Variants in CSMD1 observed in about 807,000 individuals in gnomAD.
The protein encoded by CSMD1 is CUB and sushi domain-containing protein 1.
CSMD1 carries 213 observed loss-of-function variants against 417.5 expected under a neutral mutation model. The observed-to-expected ratio is 0.51, with a 90% confidence interval of 0.46 to 0.57. The LOEUF is 0.57. Among genes scored for constraint, CSMD1 ranks in the 20% least tolerant of loss-of-function variants. The pLI is 0.00. For missense variants in CSMD1, 6,923 were observed against 4,529.7 expected (o/e 1.53, Z -15.17); for synonymous variants, 2,862 against 1,736.8 (o/e 1.65, Z -16.11).
intron 1 of CSMD1, among the ~76,000 whole-genome samples, chr8:4,715,453 C>G (rs866598127): frequency 1.3e-5 from 2 of 152,156 alleles, no homozygotes; most frequent in Non-Finnish European, 2.9e-5. Flanking sequence ...TTGACAATCT[C>G]ATATGGTTTC....
chr8:4,400,761 G>GTTTTT (rs11439463), intron 3 of CSMD1, among the ~76,000 whole-genome samples: 1 of 139,520 alleles, frequency 7.2e-6, no homozygotes, highest in African/African-American at 2.6e-5. Context: ...ATACAGATCA[G>GTTTTT]TTTTTTTTTT....
intron 12 of CSMD1, among the ~76,000 whole-genome samples, chr8:3,432,353 T>C (rs11136625): frequency 0.3 from 45,615 of 152,004 alleles, 7,147 homozygotes; most frequent in East Asian, 0.48. Flanking sequence ...CTTAGCATTG[T>C]CAAGTGATGA....
rs527979524 is a variant in CSMD1 at position 3,538,099 on chromosome 8, G to A, written c.1344+36846C>T. Among the ~76,000 whole-genome samples, 12 of 152,334 alleles carry A rather than the reference G, an allele frequency of 7.9e-5. No homozygotes were observed. In the South Asian group the frequency reaches 2.5e-3, roughly 32 times the overall value. On this transcript the variant is annotated intron_variant, in intron 10 of 69. Coordinates refer to ENST00000635120, the MANE Select transcript of CSMD1 (RefSeq NM_033225.6). ...TCCTATGCACAGAGTTTTTAAAAGAGTGTTTCAAGTTTATAAACCAAACGA... is the reference window on the plus strand; with the variant it reads ...TCCTATGCACAGAGTTTTTAAAAGAATGTTTCAAGTTTATAAACCAAACGA...
At chr8:4,422,823 T>C (rs1375620151) in intron 2 of CSMD1, among the ~76,000 whole-genome samples, 4 of 152,106 alleles carry the variant, frequency 2.6e-5, no homozygotes, top group Non-Finnish European at 5.9e-5. Context: ...ATACGAATTA[T>C]ACACGATGAT....
chr8:3,161,810 G>A (rs554173278), intron 38 of CSMD1, among the ~76,000 whole-genome samples: 64 of 152,118 alleles, frequency 4.2e-4, no homozygotes, highest in Non-Finnish European at 7.8e-4. Context: ...GGTAGCAGGT[G>A]CACATACAGA....
chr8:4,668,721 A>G lies in CSMD1; in HGVS notation c.86-31163T>C, dbSNP rs1187953504. Among the ~76,000 whole-genome samples, 3 of 152,190 alleles carry G rather than the reference A, an allele frequency of 2.0e-5. No individual in the cohort carries two copies. The East Asian group carries it at 5.8e-4, about 29-fold the overall frequency. On this transcript the variant is annotated intron_variant, in intron 1 of 69. Coordinates refer to ENST00000635120, the MANE Select transcript of CSMD1 (RefSeq NM_033225.6). ...CGCGTCAGCCTCCCAAAAATAAAAC[A>G]TTACCAGTTTGCCTACAACCTCTCT...
intron 27 of CSMD1, among the ~76,000 whole-genome samples, chr8:3,226,831 G>A (rs1055425642): frequency 6.6e-6 from 1 of 151,904 alleles, no homozygotes; most frequent in Non-Finnish European, 1.5e-5. Context: ...GGGAAAGAAA[G>A]AGAGAGAGCC....
intron 7 of CSMD1, among the ~76,000 whole-genome samples, chr8:3,692,815 G>A (rs1318939701): frequency 1.3e-5 from 2 of 152,052 alleles, no homozygotes; most frequent in Middle Eastern, 3.2e-3. Flanking sequence ...ACCCTAATAT[G>A]CATGGCAAAA....
chr8:3,367,777 T>C (rs966272219), intron 19 of CSMD1, among the ~76,000 whole-genome samples: 1 of 152,246 alleles, frequency 6.6e-6, no homozygotes, highest in South Asian at 2.1e-4. Context: ...GATACAGATA[T>C]AGATGTACAT....
chr8:3,739,785 A>T (rs1344178723), intron 6 of CSMD1, among the ~76,000 whole-genome samples: 2 of 17,772 alleles, frequency 1.1e-4, no homozygotes, highest in Non-Finnish European at 6.6e-3. Context: ...AGATCAATGG[A>T]AAAAGGTAAA....
intron 4 of CSMD1, among the ~76,000 whole-genome samples, chr8:4,014,191 A>G (rs1796410040): frequency 2.6e-5 from 4 of 152,218 alleles, no homozygotes; most frequent in Admixed American, 2.6e-4. Context: ...TTAAGTTTGC[A>G]AAGCATAAAC....
At chr8:4,298,482 T>A (rs573732527) in intron 3 of CSMD1, among the ~76,000 whole-genome samples, 1 of 152,148 alleles carries the variant, frequency 6.6e-6, no homozygotes, top group Non-Finnish European at 1.5e-5. Context: ...CAATGTATAT[T>A]ATTTGAGTAA....
In CSMD1 at chr8:4,099,489, C is replaced by G. The variant is rs1193239484; in HGVS notation, c.416-67390G>C. Among the ~76,000 whole-genome samples the G allele has an allele frequency of 2.0e-5, 3 of 152,078 alleles. No individual in the cohort carries two copies. In the East Asian group the frequency reaches 5.8e-4, roughly 29 times the overall value. ...CAATCATCTTCCACAGTGCTCCTTCCAGCCTTCAATGCTGTTCACTACGGA... is the reference window on the plus strand; with the variant it reads ...CAATCATCTTCCACAGTGCTCCTTCGAGCCTTCAATGCTGTTCACTACGGA... On this transcript the variant is annotated intron_variant, in intron 3 of 69. Transcript: ENST00000635120.
At chr8:3,663,213 T>C (rs1316063135) in intron 7 of CSMD1, among the ~76,000 whole-genome samples, 3 of 152,074 alleles carry the variant, frequency 2.0e-5, no homozygotes, top group Non-Finnish European at 4.4e-5. Context: ...ACAACAAAGA[T>C]ATTTTTAAAC....
At chr8:4,959,047 T>C (rs1809305288) in intron 1 of CSMD1, among the ~76,000 whole-genome samples, 1 of 152,318 alleles carries the variant, frequency 6.6e-6, no homozygotes, top group Admixed American at 6.5e-5. Context: ...CTATATAGTA[T>C]ATGTCATCAA....
At chr8:3,503,387 A>G (rs1796688310) in intron 10 of CSMD1, among the ~76,000 whole-genome samples, 1 of 152,250 alleles carries the variant, frequency 6.6e-6, no homozygotes, top group South Asian at 2.1e-4. Context: ...TGCTACAAAA[A>G]GTCAAAGCTG....
chr8:3,191,189 G>T (rs537824405), intron 33 of CSMD1, among the ~76,000 whole-genome samples: 12 of 152,140 alleles, frequency 7.9e-5, no homozygotes, highest in African/African-American at 2.9e-4. Context: ...GTGCAGTGGC[G>T]CAAGCCTGTA....
chr8:3,769,131 T>G (rs1048078333), intron 5 of CSMD1, among the ~76,000 whole-genome samples: 1 of 152,222 alleles, frequency 6.6e-6, no homozygotes, highest in South Asian at 2.1e-4. Context: ...TACTATACAG[T>G]TAAATTGATT....
chr8:3,055,170 T>A (rs879557053), intron 49 of CSMD1, among the ~76,000 whole-genome samples: 1 of 152,162 alleles, frequency 6.6e-6, no homozygotes, highest in Admixed American at 6.5e-5. Flanking sequence ...CAAACACAGA[T>A]GAAGCCCCAT....
Sources: allele counts gnomAD v4.1 joint callset (sites outside exome capture counted in the v4.1 genomes callset), GRCh38; gene constraint gnomAD v4.1.1; transcripts MANE v1.5; gene names NCBI Gene and HGNC (gene_info 2026-07-23, HGNC 2026-07-21).